The following FAM13C variants were observed in gnomAD, a reference collection of about 807,000 sequenced individuals.
The protein encoded by FAM13C is family with sequence similarity 13 member C.
Under a neutral mutation model 73.2 loss-of-function variants are expected in FAM13C, and 37 were observed. That is an observed-to-expected ratio of 0.51 (90% CI 0.39 to 0.67). The LOEUF (loss-of-function observed/expected upper bound fraction) is 0.67. FAM13C is among the 30% of genes least tolerant of loss of function. The probability of loss-of-function intolerance (pLI) is 0.00; values close to 1 mark genes in which losing one functional copy is unlikely to be tolerated. For missense variants in FAM13C, 589 were observed against 715.6 expected (o/e 0.82, Z 2.02); for synonymous variants, 246 against 260.9 (o/e 0.94, Z 0.55).
At chr10:59,273,553 T>C (rs896273116) in intron 6 of FAM13C, among the ~76,000 whole-genome samples, 1 of 152,144 alleles carries the variant, frequency 6.6e-6, no homozygotes, top group Non-Finnish European at 1.5e-5. Context: ...TCTGAGATTT[T>C]TTGCATGTAT....
chr10:59,304,828 A>C (rs865967370), intron 4 of FAM13C, among the ~76,000 whole-genome samples: 5 of 2,610 alleles, frequency 1.9e-3, no homozygotes, highest in Non-Finnish European at 3.0e-3. Flanking sequence ...GGGGAAGGGG[A>C]GGGGGCGGGG....
chr10:59,309,502 A>C (rs1848679226), intron 4 of FAM13C, among the ~76,000 whole-genome samples: 1 of 152,118 alleles, frequency 6.6e-6, no homozygotes, highest in South Asian at 2.1e-4. Flanking sequence ...CTACACTGGC[A>C]TTCTTTCCGT....
chr10:59,339,287 T>A (rs987608593), intron 3 of FAM13C, among the ~76,000 whole-genome samples: 8 of 152,120 alleles, frequency 5.3e-5, no homozygotes, highest in African/African-American at 1.9e-4. Flanking sequence ...TGGACACGAA[T>A]TTGAAGGGGG....
chr10:59,286,107 A>G (rs1445267879), intron 5 of FAM13C, among the ~76,000 whole-genome samples: 1 of 152,242 alleles, frequency 6.6e-6, no homozygotes, highest in Non-Finnish European at 1.5e-5. Context: ...ATTCTGACAC[A>G]GCAACATGCC....
chr10:59,253,086 A>G lies in FAM13C; in HGVS notation c.1333-88T>C. The G allele has an allele frequency of 3.7e-6, 5 of 1,339,568 alleles. No homozygotes were observed. The South Asian group carries it at 6.1e-5, about 16-fold the overall frequency. The allele number at this position is 1,339,568 out of a possible 1,614,324, so 83.0% of individuals were successfully genotyped here. ...AAAACAGGAAGGGGAACTATAAATC[A>G]ATGCCATGAAAACCAGTAGGTGACC... On this transcript the variant is annotated intron_variant, in intron 11 of 13. Transcript: ENST00000618804.
chr10:59,340,863 A>G (rs1293334400), intron 3 of FAM13C, among the ~76,000 whole-genome samples: 1 of 151,684 alleles, frequency 6.6e-6, no homozygotes, highest in African/African-American at 2.4e-5. Context: ...TGTAATATTT[A>G]GCGTTAAACT....
At chr10:59,279,925 A>G (rs1844746300) in intron 6 of FAM13C, among the ~76,000 whole-genome samples, 1 of 152,170 alleles carries the variant, frequency 6.6e-6, no homozygotes, top group South Asian at 2.1e-4. Flanking sequence ...TCAACTTCTG[A>G]TAAGGGCTCT....
At chr10:59,345,151 A>C (rs1298855819) in intron 3 of FAM13C, among the ~76,000 whole-genome samples, 2 of 152,210 alleles carry the variant, frequency 1.3e-5, no homozygotes, top group African/African-American at 4.8e-5. Context: ...TAATATTCCA[A>C]GCAGCATGTA....
chr10:59,290,138 T>C (rs1163588968), intron 5 of FAM13C, among the ~76,000 whole-genome samples: 1 of 152,232 alleles, frequency 6.6e-6, no homozygotes, highest in Non-Finnish European at 1.5e-5. Context: ...CTACTTGTTT[T>C]AGAAAATACT....
intron 8 of FAM13C, among the ~76,000 whole-genome samples, chr10:59,265,335 G>GGCGGGA (rs78422182): frequency 6.2e-5 from 1 of 16,060 alleles, no homozygotes; most frequent in Non-Finnish European, 1.1e-4. Flanking sequence ...GGGGGGGGGG[G>GGCGGGA]AATCCTGGTT....
At position 59,246,501 on chromosome 10, in the gene FAM13C, C is replaced by T. The variant is rs561646525; in HGVS notation, c.*1113G>A. ...TTAAACATTACAGAAAATAGAAATA[C>T]AAACAAGGTTGGTACATGAGAGAAA... On this transcript the variant is annotated 3_prime_UTR_variant, in exon 14 of 14. Transcript: ENST00000618804. 2.6e-6 allele frequency: 1 copy of T among 389,166 alleles called. No individual in the cohort carries two copies. The highest frequency in any genetic ancestry group is 2.1e-5 in the African/African-American group (1 of 48,558). 24.1% of individuals were successfully genotyped at this position (389,166 alleles called of 1,614,324 possible).
intron 13 of FAM13C, among the ~76,000 whole-genome samples, chr10:59,250,446 A>T (rs970498810): frequency 1.3e-5 from 2 of 152,250 alleles, no homozygotes; most frequent in Non-Finnish European, 2.9e-5. Context: ...GAAGATTGTA[A>T]GTAGAAAATA....
chr10:59,296,856 T>A (rs1160896343), intron 5 of FAM13C: 1 of 152,194 alleles, frequency 6.6e-6, no homozygotes, highest in Non-Finnish European at 1.5e-5. Context: ...CTATTTTTGA[T>A]AAAGTCAATA....
At chr10:59,248,641 A>G (rs1840984952) in intron 13 of FAM13C, among the ~76,000 whole-genome samples, 2 of 152,196 alleles carry the variant, frequency 1.3e-5, no homozygotes, top group African/African-American at 2.4e-5. Flanking sequence ...AGTCACCACA[A>G]TTACAACTGA....
intron 3 of FAM13C, among the ~76,000 whole-genome samples, chr10:59,328,475 A>G (rs1464962805): frequency 6.6e-6 from 1 of 151,870 alleles, no homozygotes; most frequent in Non-Finnish European, 1.5e-5. Context: ...GTACAAATCC[A>G]TGGCCATCAA....
At chr10:59,321,473 A>T (rs1288661222) in intron 4 of FAM13C, among the ~76,000 whole-genome samples, 2 of 135,796 alleles carry the variant, frequency 1.5e-5, no homozygotes, top group Admixed American at 1.7e-4. Flanking sequence ...CCAGGGAGAC[A>T]TATGTAGGAC....
chr10:59,343,868 C>T (rs1455751906), intron 3 of FAM13C, among the ~76,000 whole-genome samples: 1 of 151,962 alleles, frequency 6.6e-6, no homozygotes, highest in African/African-American at 2.4e-5. Context: ...CAGCCTAGCC[C>T]ACCACATGAA....
intron 1 of FAM13C, chr10:59,361,243 T>C: frequency 2.3e-6 from 1 of 443,086 alleles, no homozygotes; most frequent in South Asian, 2.0e-5. Flanking sequence ...CACTTAAGTC[T>C]GCTCAAAACT....
intron 5 of FAM13C, among the ~76,000 whole-genome samples, chr10:59,286,271 T>G (rs890627021): frequency 6.6e-6 from 1 of 151,906 alleles, no homozygotes; most frequent in Admixed American, 6.6e-5. Flanking sequence ...TCCCAGCACT[T>G]TGGGAGGCTG....
Sources: allele counts gnomAD v4.1 joint callset (sites outside exome capture counted in the v4.1 genomes callset), GRCh38; gene constraint gnomAD v4.1.1; transcripts MANE v1.5; gene names NCBI Gene and HGNC (gene_info 2026-07-23, HGNC 2026-07-21).